The following PDXDC1 variants were observed in gnomAD, a reference collection of about 807,000 sequenced individuals.
PDXDC1 encodes pyridoxal-dependent decarboxylase domain-containing protein 1.
A neutral mutation model predicts 100.1 loss-of-function variants in PDXDC1; 42 were observed. The ratio of observed to expected loss-of-function variants is 0.42; its 90% CI spans 0.33 to 0.54. The LOEUF (loss-of-function observed/expected upper bound fraction) is 0.54. PDXDC1 is among the 20% of genes least tolerant of loss of function. The pLI, the probability that PDXDC1 is intolerant of heterozygous loss-of-function variation, is 0.10. For missense variants in PDXDC1, 636 were observed against 979.2 expected (o/e 0.65, Z 4.68); for synonymous variants, 260 against 371.7 (o/e 0.70, Z 3.46).
At chr16:14,975,913 G>A in intron 1 of PDXDC1, among the ~76,000 whole-genome samples, 1 of 152,302 alleles carries the variant, frequency 6.6e-6, no homozygotes, top group Non-Finnish European at 1.5e-5. Context: ...TGCGAATTGA[G>A]TTTTGGGGAT....
chr16:15,025,838 G>T (rs1299420648), intron 13 of PDXDC1: 1 of 152,482 alleles, frequency 6.6e-6, no homozygotes, highest in Non-Finnish European at 1.5e-5. Flanking sequence ...GCTTGACCAA[G>T]TCAGGGTATA....
chr16:15,130,823 T>C (rs7186457), intron 16 of PDXDC1: 479,014 of 736,602 alleles, frequency 0.65, 186,245 homozygotes, highest in Admixed American at 0.81. Flanking sequence ...ACACGCCTGC[T>C]GGGAAGCTCA....
chr16:15,133,895 G>A lies in PDXDC1; in HGVS notation c.1400-4984G>A. The A allele has an allele frequency of 6.7e-6, 10 of 1,485,200 alleles. No homozygotes were observed. The East Asian group carries it at 1.2e-4, about 17-fold the overall frequency. The allele number at this position is 1,485,200 out of a possible 1,614,324, so 92.0% of individuals were successfully genotyped here. On this transcript the variant is annotated intron_variant, in intron 16 of 16. Transcript: ENST00000535621. Reference sequence around the variant, plus strand: ...GCGGCGGGCGGTTGGGGGACAGGGGGATGGAGGCGCAGCCCTCCTCCTCGC... The same window carrying A: ...GCGGCGGGCGGTTGGGGGACAGGGGAATGGAGGCGCAGCCCTCCTCCTCGC...
chr16:15,127,453 C>T (rs1156964633), intron 16 of PDXDC1: 5 of 1,545,930 alleles, frequency 3.2e-6, no homozygotes, highest in South Asian at 1.2e-5. Flanking sequence ...ACTCCCCGGT[C>T]CCCAGCCCCA....
intron 16 of PDXDC1, among the ~76,000 whole-genome samples, chr16:15,129,599 C>G (rs2047943251): frequency 6.6e-6 from 1 of 152,232 alleles, no homozygotes; most frequent in Admixed American, 6.5e-5. Flanking sequence ...CGGTCTCCCA[C>G]AGTGGTAGCG....
At chr16:15,124,075 G>A (rs1016351487) in intron 16 of PDXDC1, among the ~76,000 whole-genome samples, 8 of 152,192 alleles carry the variant, frequency 5.3e-5, no homozygotes, top group Non-Finnish European at 8.8e-5. Flanking sequence ...TCTCAGGGAC[G>A]TCCAAGGAAT....
At chr16:15,034,834 G>A (rs944611319) in intron 21 of PDXDC1, among the ~76,000 whole-genome samples, 2 of 152,228 alleles carry the variant, frequency 1.3e-5, no homozygotes, top group Admixed American at 6.5e-5. Flanking sequence ...GACTCTCAGG[G>A]TGCTGTGTCT....
At chr16:15,003,453 T>C (rs1424070401) in intron 4 of PDXDC1, among the ~76,000 whole-genome samples, 1 of 152,196 alleles carries the variant, frequency 6.6e-6, no homozygotes, top group Admixed American at 6.5e-5. Flanking sequence ...CCTGACCTCG[T>C]GATCCGCCCG....
chr16:15,073,119 A>T (rs763916197), intron 16 of PDXDC1: 4 of 1,598,238 alleles, frequency 2.5e-6, no homozygotes, highest in Non-Finnish European at 3.4e-6. Context: ...TTATAAAGAC[A>T]TATTTTCAAG....
intron 14 of PDXDC1, among the ~76,000 whole-genome samples, chr16:15,027,456 C>A (rs1278241740): frequency 6.6e-6 from 1 of 152,260 alleles, no homozygotes; most frequent in African/African-American, 2.4e-5. Context: ...CTTAGACCCC[C>A]TTCCTTATCA....
chr16:14,988,286 G>A (rs1969883609), intron 1 of PDXDC1: 1 of 1,613,482 alleles, frequency 6.2e-7, no homozygotes, highest in Non-Finnish European at 8.5e-7. Context: ...CCTTACTCCT[G>A]CAGAGGGGCT....
At chr16:15,012,986 T>G (rs1454194049) in intron 8 of PDXDC1, among the ~76,000 whole-genome samples, 1 of 152,152 alleles carries the variant, frequency 6.6e-6, no homozygotes, top group Non-Finnish European at 1.5e-5. Context: ...CTGGCTAACA[T>G]GGTGAAACCC....
chr16:15,074,307 A>G (rs2045360406), intron 16 of PDXDC1, among the ~76,000 whole-genome samples: 1 of 152,200 alleles, frequency 6.6e-6, no homozygotes, highest in South Asian at 2.1e-4. Flanking sequence ...TTAAAGTTCC[A>G]TGAAGTCAAG....
At position 15,032,843 on chromosome 16, in the gene PDXDC1, G is replaced by C; in HGVS notation, c.1572-18G>C. 3.1e-6 allele frequency: 4 copies of C among 1,283,530 alleles called. No homozygotes were observed. The highest frequency in any genetic ancestry group is 4.6e-6 in the Non-Finnish European group (4 of 878,354). 79.5% of individuals were successfully genotyped at this position (1,283,530 alleles called of 1,614,324 possible). A position where few individuals can be genotyped will look rare whatever the true frequency, so the allele number is the denominator to read the frequency against. On this transcript the variant is annotated intron_variant, in intron 17 of 22. Coordinates refer to ENST00000396410, the MANE Select transcript of PDXDC1 (RefSeq NM_015027.4). ...TTGATCTTTTAAGCTGAAATGCTGTGGTTTGATGTTGTTTTAGGTATGAAC... is the reference window on the plus strand; with the variant it reads ...TTGATCTTTTAAGCTGAAATGCTGTCGTTTGATGTTGTTTTAGGTATGAAC...
intron 12 of PDXDC1, among the ~76,000 whole-genome samples, chr16:15,020,975 A>AAACACACACACACACAC (rs370903249): frequency 2.7e-5 from 4 of 145,886 alleles, no homozygotes; most frequent in African/African-American, 1.0e-4. Context: ...GCACCATCTA[A>AAACACACACACACACAC]ACACACACAC....
chr16:15,016,213 G>T lies in PDXDC1; in HGVS notation c.812G>T (p.Gly271Val). ...EQYGIWLHVE[G>V]VNLATLALGY... ...TATGGCATATGGCTTCATGTGGAGGGGTAAGCCGGCGGTGAGGCTGGTGGC... is the reference window on the plus strand; with the variant it reads ...TATGGCATATGGCTTCATGTGGAGGTGTAAGCCGGCGGTGAGGCTGGTGGC... Residue 271 changes from glycine to valine, a missense_variant and splice_region_variant, in exon 9 of 23, where the codon GGT becomes GTT. Around this residue, in one of 4 missense-constraint regions of PDXDC1, gnomAD observed 125 missense variants for 479.9 expected, o/e 0.26. Coordinates refer to ENST00000396410, the MANE Select transcript of PDXDC1 (RefSeq NM_015027.4). 6.2e-7 allele frequency: 1 copy of T among 1,612,344 alleles called. No homozygotes were observed. The highest frequency in any genetic ancestry group is 8.5e-7 in the Non-Finnish European group (1 of 1,179,698).
intron 16 of PDXDC1, chr16:15,047,406 A>G: frequency 1.5e-6 from 2 of 1,343,530 alleles, no homozygotes; most frequent in Non-Finnish European, 2.1e-6. Context: ...CGGTTCCAAG[A>G]TCTCAATTCA....
At chr16:15,009,846 A>T in intron 8 of PDXDC1, 87 bp downstream of exon 8, 1 of 1,608,074 alleles carries the variant, frequency 6.2e-7, no homozygotes, top group East Asian at 2.2e-5. Flanking sequence ...GTCTTAAGAA[A>T]TGTGTGTGTA....
intron 16 of PDXDC1, among the ~76,000 whole-genome samples, chr16:15,111,124 T>TCACACACA (rs200365846): frequency 2.2e-5 from 3 of 139,022 alleles, no homozygotes; most frequent in Non-Finnish European, 4.8e-5. Flanking sequence ...TGAGACTCTG[T>TCACACACA]CACACACACA....
Sources: gnomAD v4.1 joint callset for allele counts (sites outside exome capture counted in the v4.1 genomes callset) on GRCh38, gnomAD v4.1.1 for gene constraint, gnomAD v4.1.1 regional missense constraint, MANE v1.5 for transcripts, NCBI Gene and HGNC (gene_info 2026-07-23, HGNC 2026-07-21) for gene names.